SLC12A3: variants seen among roughly 807,000 people sequenced by gnomAD.
SLC12A3 encodes solute carrier family 12 member 3, also known as Na-Cl cotransporter.
In SLC12A3, 104 loss-of-function variants were observed where a neutral mutation model predicts 121.0. That is an observed-to-expected ratio of 0.86 (90% CI 0.73 to 1.01). SLC12A3 has a LOEUF of 1.01. SLC12A3 is among the 50% of genes least tolerant of loss of function. The probability of loss-of-function intolerance (pLI) is 0.00; values close to 1 mark genes in which losing one functional copy is unlikely to be tolerated. For synonymous variants in SLC12A3, 536 were observed against 533.4 expected (o/e 1.00, Z -0.07); for missense variants, 1,328 against 1,356.3 (o/e 0.98, Z 0.33).
Position 56,894,564 on chromosome 16 carries a change from G to A in SLC12A3, c.2555G>A (p.Arg852His), listed in dbSNP as rs751929135. The change falls in exon 22 of 26, where the codon CGC becomes CAC. Residue 852 changes from arginine (R) to histidine (H), a missense_variant. Arg to His is a conservative substitution (Grantham distance 29). Coordinates refer to ENST00000563236, the MANE Select transcript of SLC12A3 (RefSeq NM_001126108.2). ...CTCCTCATTCCCTATCTCCTTGGCC[G>A]CAAGAGGAGGTGGAGCAAATGCAAG... ...LTLLIPYLLG[R>H]KRRWSKCKIR... 4.3e-6 allele frequency: 7 copies of A among 1,613,942 alleles called. No homozygotes were observed. The highest frequency in any genetic ancestry group is 1.1e-5 in the South Asian group (1 of 91,010).
In SLC12A3 at chr16:56,878,063, C is replaced by T. The variant is rs780012842; in HGVS notation, c.1096-14C>T. On this transcript the variant is annotated splice_polypyrimidine_tract_variant and intron_variant, in intron 8 of 25. Coordinates refer to ENST00000563236, the MANE Select transcript of SLC12A3 (RefSeq NM_001126108.2). ...CCCTCCCTCCCTCCCTCCCTCTCTCCCTCCCTCCTTCAGGACCCTGCTATA... is the reference window on the plus strand; with the variant it reads ...CCCTCCCTCCCTCCCTCCCTCTCTCTCTCCCTCCTTCAGGACCCTGCTATA... The T allele has an allele frequency of 1.9e-5, 19 of 980,210 alleles. No homozygotes were observed. The highest frequency in any genetic ancestry group is 3.8e-5 in the South Asian group (3 of 78,538). 60.7% of individuals were successfully genotyped at this position (980,210 alleles called of 1,614,324 possible).
At position 56,872,737 on chromosome 16, in the gene SLC12A3, C is replaced by T. The variant is rs121909383; in HGVS notation, c.1046C>T (p.Pro349Leu). The change falls in exon 8 of 26, where the codon CCC becomes CTC. Residue 349 changes from proline to leucine, a missense_variant. By Grantham distance (98) the Pro-to-Leu change is moderately conservative. Transcript: ENST00000563236. The stretch of plus-strand genomic sequence containing the variant: ...TTCGGAATGTTCTCCATCTTCTTCC[C>T]CTCGGCCACAGGCATCCTGGCAGGG... Reference protein sequence around the residue: ...TFFGMFSIFFPSATGILAGAN... With the variant: ...TFFGMFSIFFLSATGILAGAN... 83 of 1,614,136 alleles carry T rather than the reference C, an allele frequency of 5.1e-5. No homozygotes were observed. Among genetic ancestry groups the T allele is most frequent in the Non-Finnish European group, 6.7e-5 (79 of 1,180,046 alleles).
chr16:56,886,443 C>G lies in SLC12A3; in HGVS notation c.2005C>G (p.Leu669Val). Reference sequence around the variant, plus strand: ...CTTTGTGGGCACCTTCACCCGGAACCTCAGCCTGATGATCTGTGGCCACGT... The same window carrying G: ...CTTTGTGGGCACCTTCACCCGGAACGTCAGCCTGATGATCTGTGGCCACGT... The part of the protein sequence containing the change: ...VDFVGTFTRN[L>V]SLMICGHVLI... Residue 669 changes from leucine to valine, a missense_variant, in exon 16 of 26, where the codon CTC becomes GTC. By Grantham distance (32) the Leu-to-Val change is conservative. Transcript: ENST00000563236. The G allele has an allele frequency of 6.2e-7, 1 of 1,614,064 alleles. No homozygotes were observed. Among genetic ancestry groups the G allele is most frequent in the Non-Finnish European group, 8.5e-7 (1 of 1,180,024 alleles).
In SLC12A3 at chr16:56,914,484, T is replaced by C. The variant is rs1392277850; in HGVS notation, c.*1079T>C. The C allele has an allele frequency of 5.3e-5, 8 of 152,238 alleles. No individual in the cohort carries two copies. The highest frequency in any genetic ancestry group is 1.7e-4 in the African/African-American group (7 of 41,462). 9.4% of individuals were successfully genotyped at this position (152,238 alleles called of 1,614,324 possible). A position where few individuals can be genotyped will look rare whatever the true frequency, so the allele number is the denominator to read the frequency against. ...TTGGTTGCAATCCAATAAAATGACTTTGGGATCCACTCATGGGTGGGGACC... is the reference window on the plus strand; with the variant it reads ...TTGGTTGCAATCCAATAAAATGACTCTGGGATCCACTCATGGGTGGGGACC... On this transcript the variant is annotated 3_prime_UTR_variant, in exon 26 of 26. Coordinates refer to ENST00000563236, the MANE Select transcript of SLC12A3 (RefSeq NM_001126108.2).
rs749799823 is a variant in SLC12A3 at position 56,892,936 on chromosome 16, G to C, written c.2420-17G>C. On this transcript the variant is annotated splice_polypyrimidine_tract_variant and intron_variant, in intron 20 of 25. Coordinates refer to ENST00000563236, the MANE Select transcript of SLC12A3 (RefSeq NM_001126108.2). ...GCGGCTGCTGGCTCTGCTCTGACCC[G>C]CCCCCACCTCCTGCAGTGGACCCCA... The C allele has an allele frequency of 2.5e-6, 4 of 1,606,622 alleles. No individual in the cohort carries two copies. The highest frequency in any genetic ancestry group is 3.4e-6 in the Non-Finnish European group (4 of 1,173,694).
At chr16:56,874,819 C>A (rs185334549) in intron 8 of SLC12A3, among the ~76,000 whole-genome samples, 6 of 151,818 alleles carry the variant, frequency 4.0e-5, no homozygotes, top group Admixed American at 6.6e-5. Flanking sequence ...CTCACCCCCC[C>A]GCAAAAAAAA....
intron 8 of SLC12A3, among the ~76,000 whole-genome samples, chr16:56,876,254 A>G (rs1277978660): frequency 6.6e-6 from 1 of 151,870 alleles, no homozygotes; most frequent in African/African-American, 2.4e-5. Flanking sequence ...ATCCGGTATG[A>G]CCTCATCTTT....
intron 25 of SLC12A3, 62 bp downstream of exon 25, chr16:56,904,524 G>C: frequency 6.6e-7 from 1 of 1,525,922 alleles, no homozygotes; most frequent in South Asian, 1.1e-5. Context: ...TCAGCTCTGG[G>C]AAGGGGCTCA....
chr16:56,865,981 C>G (rs1171929675), intron 1 of SLC12A3, among the ~76,000 whole-genome samples: 13 of 100,536 alleles, frequency 1.3e-4, no homozygotes, highest in African/African-American at 3.4e-4. Context: ...CTTTTCTTTT[C>G]TTTTCTTTTC....
chr16:56,909,214 T>A (rs2055650445), intron 25 of SLC12A3, among the ~76,000 whole-genome samples: 1 of 151,914 alleles, frequency 6.6e-6, no homozygotes, highest in Admixed American at 6.6e-5. Flanking sequence ...ATCCCAGCAC[T>A]TTGGGAGGCT....
intron 13 of SLC12A3, among the ~76,000 whole-genome samples, chr16:56,883,337 G>T (rs1216581361): frequency 7.1e-6 from 1 of 141,186 alleles, no homozygotes; most frequent in Non-Finnish European, 1.5e-5. Context: ...CTGGAGAGCA[G>T]TTGCACGATC....
In SLC12A3 at chr16:56,893,022, C is replaced by G. The variant is rs755529943; in HGVS notation, c.2489C>G (p.Thr830Ser). Residue 830 changes from threonine (T) to serine (S), a missense_variant, in exon 21 of 26, where the codon ACC becomes AGC. Physicochemically the swap from Thr to Ser is moderately conservative, Grantham distance 58. Coordinates refer to ENST00000563236, the MANE Select transcript of SLC12A3 (RefSeq NM_001126108.2). Reference protein sequence around the residue: ...TIFQSEQGKKTIDIYWLFDDG... With the variant: ...TIFQSEQGKKSIDIYWLFDDG... ...TTCCAGTCGGAGCAGGGCAAGAAGA[C>G]CATAGACATCTACTGGCTCTTTGAC... The G allele has an allele frequency of 1.4e-5, 23 of 1,614,194 alleles. No homozygotes were observed. Among genetic ancestry groups the G allele is most frequent in the Non-Finnish European group, 1.9e-5 (22 of 1,179,988 alleles).
In SLC12A3 at chr16:56,869,690, T is replaced by G. The variant is rs747714051; in HGVS notation, c.506-39T>G. 4 of 1,567,486 alleles carry G rather than the reference T, an allele frequency of 2.6e-6. No individual in the cohort carries two copies. The South Asian group carries it at 4.5e-5, about 17-fold the overall frequency. The stretch of plus-strand genomic sequence containing the variant: ...AGTAGGCAAACTGGGGCTCCTCCCT[T>G]GGGAAATGCCCTGCCTAAGCTTTGG... On this transcript the variant is annotated intron_variant, in intron 3 of 25. Coordinates refer to ENST00000563236, the MANE Select transcript of SLC12A3 (RefSeq NM_001126108.2).
intron 3 of SLC12A3, among the ~76,000 whole-genome samples, chr16:56,868,842 A>C (rs527905180): frequency 1.3e-5 from 2 of 152,234 alleles, no homozygotes; most frequent in Admixed American, 1.3e-4. Context: ...CGTGGTTGGC[A>C]GGTGCCTGTA....
chr16:56,887,097 C>G lies in SLC12A3; in HGVS notation c.2178+4C>G, dbSNP rs768276375. On this transcript the variant is annotated splice_donor_region_variant and intron_variant, in intron 17 of 25. Transcript: ENST00000563236. ...AGGCGTCCAGATCCTCATGCAGGTG[C>G]CATGGACTGGGGGCTCCCCTACAGG... is the stretch of plus-strand genomic sequence containing the variant. 6.2e-7 allele frequency: 1 copy of G among 1,613,868 alleles called. No homozygotes were observed. Among genetic ancestry groups the G allele is most frequent in the Non-Finnish European group, 8.5e-7 (1 of 1,180,030 alleles).
At chr16:56,877,693 G>A (rs1207523495) in intron 8 of SLC12A3, among the ~76,000 whole-genome samples, 1 of 152,216 alleles carries the variant, frequency 6.6e-6, no homozygotes, top group East Asian at 1.9e-4. Flanking sequence ...AGTGAACCCG[G>A]GCAGGCCGAC....
At chr16:56,890,227 CAG>C (rs761812040) in intron 18 of SLC12A3, 45 bp from the exon 19 acceptor site, 58 of 1,493,678 alleles carry the variant, frequency 3.9e-5, no homozygotes, top group Non-Finnish European at 4.9e-5. Context: ...GTCACCTCCC[CAG>C]TGGGAGCTGG....
At position 56,872,633 on chromosome 16, in the gene SLC12A3, C is replaced by G. The variant is rs757597825; in HGVS notation, c.965-23C>G. ...GGTCAAGCCCTCCAGGTGAGCCTTA[C>G]TCATCAGGCCTTGCTTTTCCAGCGG... is the stretch of plus-strand genomic sequence containing the variant. On this transcript the variant is annotated intron_variant, in intron 7 of 25. Coordinates refer to ENST00000563236, the MANE Select transcript of SLC12A3 (RefSeq NM_001126108.2). The G allele has an allele frequency of 3.7e-6, 6 of 1,614,094 alleles. No individual in the cohort carries two copies. In the African/African-American group the frequency reaches 8.0e-5, roughly 22 times the overall value.
At chr16:56,870,586 CA>C in intron 5 of SLC12A3, 39 bp from the exon 6 acceptor site, 1 of 1,341,372 alleles carries the variant, frequency 7.5e-7, no homozygotes, top group Non-Finnish European at 1.1e-6. Flanking sequence ...ATGGGGAATT[CA>C]GAGGGTGGCT....
Sources: gnomAD v4.1 joint callset for allele counts (sites outside exome capture counted in the v4.1 genomes callset) on GRCh38, gnomAD v4.1.1 for gene constraint, MANE v1.5 for transcripts, NCBI Gene and HGNC (gene_info 2026-07-23, HGNC 2026-07-21) for gene names.